FAM47E: variants seen among roughly 807,000 people sequenced by gnomAD.
The protein encoded by FAM47E is family with sequence similarity 47 member E.
FAM47E carries 32 observed loss-of-function variants against 41.6 expected under a neutral mutation model. The observed-to-expected ratio is 0.77, with a 90% CI of 0.58 to 1.03. The LOEUF (loss-of-function observed/expected upper bound fraction) is 1.03, where lower values mean the gene tolerates loss of function less well. FAM47E is among the 50% of genes least tolerant of loss of function. FAM47E has a pLI of 0.00. For missense variants in FAM47E, 424 were observed against 485.4 expected, an observed-to-expected ratio of 0.87 and a Z score of 1.19; for synonymous variants, 184 against 188.7, an observed-to-expected ratio of 0.98 and a Z score of 0.20.
In FAM47E at chr4:76,217,736, T is replaced by A. The variant is rs1272462656; in HGVS notation, c.81+48T>A. ...AGACAAGGGCGGAAAATGAGGAGAC[T>A]GATGCTGTGGCAAGGAGATACGGTG... On this transcript the variant is annotated intron_variant, in intron 2 of 7. Transcript: ENST00000510197. 6 of 515,998 alleles carry A rather than the reference T, an allele frequency of 1.2e-5. No individual in the cohort carries two copies. In the South Asian group the frequency reaches 1.8e-4, roughly 16 times the overall value. The allele number at this position is 515,998 out of a possible 1,614,324, so 32.0% of individuals were successfully genotyped here.
At chr4:76,221,527 C>T (rs1288446355) in intron 2 of FAM47E, among the ~76,000 whole-genome samples, 1 of 152,098 alleles carries the variant, frequency 6.6e-6, no homozygotes, top group South Asian at 2.1e-4. Context: ...ATCACACTGG[C>T]CAGGCTGGTC....
chr4:76,215,216 TC>T (rs1454322599), intron 1 of FAM47E, among the ~76,000 whole-genome samples: 2 of 152,226 alleles, frequency 1.3e-5, no homozygotes, highest in Non-Finnish European at 2.9e-5. Context: ...CACTGCAAGA[TC>T]CAAGAAGTAC....
chr4:76,251,936 C>T, intron 1 of FAM47E, 116 bp downstream of exon 1: 1 of 1,249,646 alleles, frequency 8.0e-7, no homozygotes, highest in Non-Finnish European at 1.0e-6. Context: ...GCCTTCCCTC[C>T]TCAATGCTTC....
intron 2 of FAM47E, among the ~76,000 whole-genome samples, chr4:76,242,445 A>G (rs956058200): frequency 2.0e-5 from 3 of 152,140 alleles, no homozygotes; most frequent in Non-Finnish European, 4.4e-5. Flanking sequence ...TGCTTCCTCT[A>G]TGGTCTACAG....
At chr4:76,281,263 A>C (rs1230171789) in intron 7 of FAM47E, 1 of 152,194 alleles carries the variant, frequency 6.6e-6, no homozygotes, top group African/African-American at 2.4e-5. Flanking sequence ...CTAGCAAATA[A>C]ATGTAGGACA....
chr4:76,274,104 A>T (rs1009937898), intron 5 of FAM47E, among the ~76,000 whole-genome samples: 1 of 152,146 alleles, frequency 6.6e-6, no homozygotes, highest in East Asian at 1.9e-4. Context: ...TCTCCTCATT[A>T]TGGGTCATAC....
At position 76,258,598 on chromosome 4, in the gene FAM47E, T is replaced by A. The variant is rs77195452; in HGVS notation, c.420+2075T>A. Among the ~76,000 whole-genome samples, 316 of 152,330 alleles carry A rather than the reference T, an allele frequency of 2.1e-3. 1 individual carries two copies. The highest frequency in any genetic ancestry group is 7.3e-3 in the African/African-American group (303 of 41,566). On this transcript the variant is annotated intron_variant, in intron 2 of 7. Coordinates refer to ENST00000424749, the MANE Select transcript of FAM47E (RefSeq NM_001136570.3). ...AGGAAGTAGAACTTTAGTAAAAGAC[T>A]GTGTACCCAGTGTCCAGGTGATGGG...
At chr4:76,252,781 C>A (rs1734026528) in intron 1 of FAM47E, among the ~76,000 whole-genome samples, 2 of 152,134 alleles carry the variant, frequency 1.3e-5, no homozygotes. Context: ...AGAAATAGTA[C>A]AGAGGTCCCA....
chr4:76,248,758 C>T (rs1318196636), upstream of FAM47E, among the ~76,000 whole-genome samples: 1 of 151,900 alleles, frequency 6.6e-6, no homozygotes, highest in Non-Finnish European at 1.5e-5. Flanking sequence ...CCATACATTG[C>T]ATACCATAAT....
chr4:76,280,455 C>A (rs1735298697), intron 7 of FAM47E, 114 bp downstream of exon 7: 4 of 547,812 alleles, frequency 7.3e-6, no homozygotes, highest in Non-Finnish European at 1.3e-5. Flanking sequence ...CAGGCACATA[C>A]CAAGACAGGC....
At position 76,283,694 on chromosome 4, in the gene FAM47E, T is replaced by A. The variant is rs1317684240; in HGVS notation, c.*236T>A. The A allele has an allele frequency of 5.2e-6, 2 of 380,996 alleles. No homozygotes were observed. The highest frequency in any genetic ancestry group is 9.6e-6 in the Non-Finnish European group (2 of 208,588). 23.6% of individuals were successfully genotyped at this position (380,996 alleles called of 1,614,324 possible). A position where few individuals can be genotyped will look rare whatever the true frequency, so the allele number is the denominator to read the frequency against. On this transcript the variant is annotated 3_prime_UTR_variant, in exon 8 of 8. Coordinates refer to ENST00000424749, the MANE Select transcript of FAM47E (RefSeq NM_001136570.3). ...ATCACCCATGAGATCAATATTCACATGTAATCTTCTCATATTTTTGTGGCA... is the reference window on the plus strand; with the variant it reads ...ATCACCCATGAGATCAATATTCACAAGTAATCTTCTCATATTTTTGTGGCA...
At chr4:76,222,226 T>TC (rs1323466025) in intron 2 of FAM47E, among the ~76,000 whole-genome samples, 2 of 151,584 alleles carry the variant, frequency 1.3e-5, no homozygotes, top group Non-Finnish European at 2.9e-5. Flanking sequence ...TTTCCTATCT[T>TC]CTTTTTTTTT....
upstream of FAM47E, among the ~76,000 whole-genome samples, chr4:76,249,520 G>A (rs559460748): frequency 1.6e-4 from 24 of 151,998 alleles, no homozygotes; most frequent in Admixed American, 3.9e-4. Flanking sequence ...TGGAGATTCC[G>A]GTAAAATGCC....
intron 2 of FAM47E, among the ~76,000 whole-genome samples, chr4:76,243,601 T>A (rs1224192683): frequency 6.6e-6 from 1 of 152,224 alleles, no homozygotes; most frequent in Non-Finnish European, 1.5e-5. Context: ...TTCATGGCAC[T>A]CCACTATCAA....
chr4:76,215,543 A>G (rs1468647398), intron 1 of FAM47E, among the ~76,000 whole-genome samples: 1 of 152,244 alleles, frequency 6.6e-6, no homozygotes, highest in Non-Finnish European at 1.5e-5. Flanking sequence ...GGTGGGGTCT[A>G]TACTTTCTCG....
chr4:76,218,366 A>G (rs1279269130), intron 2 of FAM47E, among the ~76,000 whole-genome samples: 1 of 152,230 alleles, frequency 6.6e-6, no homozygotes, highest in African/African-American at 2.4e-5. Flanking sequence ...CAAAGTTCTT[A>G]CATTACAGAA....
chr4:76,274,171 T>A (rs1476299049), intron 5 of FAM47E, among the ~76,000 whole-genome samples: 1 of 152,208 alleles, frequency 6.6e-6, no homozygotes, highest in African/African-American at 2.4e-5. Context: ...AGTGCTAACT[T>A]TATCTTACTG....
At chr4:76,263,071 T>C (rs979972161) in intron 2 of FAM47E, among the ~76,000 whole-genome samples, 3 of 152,020 alleles carry the variant, frequency 2.0e-5, no homozygotes, top group Non-Finnish European at 4.4e-5. Context: ...CTGGCCCCAT[T>C]GTGCTTTTTG....
chr4:76,283,734 A>G lies in FAM47E; in HGVS notation c.*276A>G, dbSNP rs776616460. On this transcript the variant is annotated 3_prime_UTR_variant, in exon 8 of 8. Coordinates refer to ENST00000424749, the MANE Select transcript of FAM47E (RefSeq NM_001136570.3). ...TTTTTGTGGCACGTGAATATTATAT[A>G]GGTATATCAACTATTGGTAAAAATA... The G allele has an allele frequency of 2.9e-5, 8 of 276,606 alleles. No individual in the cohort carries two copies. The highest frequency in any genetic ancestry group is 5.5e-5 in the Non-Finnish European group (8 of 145,826). The allele number at this position is 276,606 out of a possible 1,614,324, so 17.1% of individuals were successfully genotyped here. A position where few individuals can be genotyped will look rare whatever the true frequency, so the allele number is the denominator to read the frequency against.
Sources: gnomAD v4.1 joint callset for allele counts (sites outside exome capture counted in the v4.1 genomes callset) on GRCh38, gnomAD v4.1.1 for gene constraint, MANE v1.5 for transcripts, NCBI Gene and HGNC (gene_info 2026-07-23, HGNC 2026-07-21) for gene names.